Variants in EXPH5 observed in about 807,000 individuals in gnomAD.
EXPH5 encodes the protein exophilin 5.
Under a neutral mutation model 41.1 loss-of-function variants are expected in EXPH5, and 42 were observed. The ratio of observed to expected loss-of-function variants is 1.02; its 90% CI spans 0.80 to 1.32. The LOEUF is 1.32. Ranked by LOEUF, EXPH5 falls within the 40% of genes most tolerant of loss-of-function variation. EXPH5 has a pLI of 0.00. For synonymous variants in EXPH5, 798 were observed against 833.5 expected, an observed-to-expected ratio of 0.96 and a Z score of 0.73; for missense variants, 2,298 against 2,314.5, an observed-to-expected ratio of 0.99 and a Z score of 0.15.
At chr11:108,553,427 G>A (rs2093976783) in intron 1 of EXPH5, among the ~76,000 whole-genome samples, 1 of 152,150 alleles carries the variant, frequency 6.6e-6, no homozygotes, top group Non-Finnish European at 1.5e-5. Context: ...CCACCCTGAG[G>A]TCAGACTTAG....
upstream of EXPH5, among the ~76,000 whole-genome samples, chr11:108,594,358 C>A (rs2094135522): frequency 6.6e-6 from 1 of 152,048 alleles, no homozygotes; most frequent in Non-Finnish European, 1.5e-5. Flanking sequence ...AGAAGACAGC[C>A]CAGAAGCAAA....
intron 1 of EXPH5, among the ~76,000 whole-genome samples, chr11:108,547,393 AC>A (rs2093943473): frequency 6.6e-6 from 1 of 151,914 alleles, no homozygotes; most frequent in African/African-American, 2.4e-5. Flanking sequence ...GGAGATCTCT[AC>A]AAAAGTAGAG....
Position 108,514,576 on chromosome 11 carries a change from C to T in EXPH5, c.931G>A (p.Val311Met), listed in dbSNP as rs770881264. The T allele has an allele frequency of 6.2e-7, 1 of 1,613,900 alleles. No homozygotes were observed. Among genetic ancestry groups the T allele is most frequent in the East Asian group, 2.2e-5 (1 of 44,896 alleles). Reference sequence around the variant, plus strand: ...GTACTGCCAAAAGTATTCTTTTGCACATAATCTTCTTTAAAGACTCTGGGC... The same window carrying T: ...GTACTGCCAAAAGTATTCTTTTGCATATAATCTTCTTTAAAGACTCTGGGC... The part of the protein sequence containing the change: ...REPRVFKEDY[V>M]QKNTFGSTSL... Residue 311 changes from valine (V) to methionine (M), a missense_variant, in exon 6 of 6, where the codon GTG becomes ATG. Transcript: ENST00000265843.
intron 3 of EXPH5, among the ~76,000 whole-genome samples, chr11:108,532,362 ATATATTTTTTTTTTTTTT>A (rs1295360304): frequency 9.9e-5 from 2 of 20,144 alleles, no homozygotes; most frequent in African/African-American, 7.6e-4. Context: ...ATATATATAT[ATATATTTTTTTTTTTTTT>A]TTTTTTTTTT....
intron 1 of EXPH5, among the ~76,000 whole-genome samples, chr11:108,589,357 A>G (rs371907620): frequency 2.6e-5 from 4 of 152,292 alleles, no homozygotes; most frequent in Non-Finnish European, 1.5e-5. Context: ...AGGCTTGTGT[A>G]TCTGGCTTTT....
At chr11:108,555,680 G>C (rs185601714) in intron 1 of EXPH5, among the ~76,000 whole-genome samples, 1 of 152,114 alleles carries the variant, frequency 6.6e-6, no homozygotes. Context: ...TCATGGGGGC[G>C]GTTTCCCTAT....
intron 1 of EXPH5, among the ~76,000 whole-genome samples, chr11:108,571,663 G>T (rs949518830): frequency 3.9e-5 from 6 of 152,162 alleles, no homozygotes; most frequent in Non-Finnish European, 8.8e-5. Context: ...CAGCAACTGA[G>T]ACCTCCCCTC....
At chr11:108,602,469 T>C in the EXPH5 span, among the ~76,000 whole-genome samples, 1 of 152,140 alleles carries the variant, frequency 6.6e-6, no homozygotes, top group South Asian at 2.1e-4. Context: ...CCACCGATTT[T>C]CCAGAAAGGC....
chr11:108,566,565 A>G (rs1020118243), intron 1 of EXPH5, among the ~76,000 whole-genome samples: 10 of 152,274 alleles, frequency 6.6e-5, no homozygotes, highest in Middle Eastern at 3.4e-3. Context: ...ATAAATAAGA[A>G]TTCCAGGCCG....
At chr11:108,582,886 A>G (rs993482057) in intron 1 of EXPH5, among the ~76,000 whole-genome samples, 2 of 152,314 alleles carry the variant, frequency 1.3e-5, no homozygotes, top group South Asian at 2.1e-4. Flanking sequence ...TCCACTTTGT[A>G]TAAGGACATC....
rs753739754 is a variant in EXPH5, at chr11:108,512,090, T to C, written c.3417A>G (p.Arg1139=). The part of the protein sequence containing the change: ...EPHASTGREG[R]KKPLTSGMDA... Reference sequence around the variant, plus strand: ...CCATGCCTGAGGTCAATGGCTTTTTTCTTCCTTCTCTTCCAGTTGAGGCAT... The same window carrying C: ...CCATGCCTGAGGTCAATGGCTTTTTCCTTCCTTCTCTTCCAGTTGAGGCAT... Residue 1139 remains arginine (R), a synonymous_variant, in exon 6 of 6, where the codon AGA becomes AGG. Coordinates refer to ENST00000265843, the MANE Select transcript of EXPH5 (RefSeq NM_015065.3). 6.2e-7 allele frequency: 1 copy of C among 1,613,252 alleles called. No individual in the cohort carries two copies. The highest frequency in any genetic ancestry group is 1.1e-5 in the South Asian group (1 of 90,874).
chr11:108,575,288 T>C (rs2094076036), intron 1 of EXPH5, among the ~76,000 whole-genome samples: 1 of 152,220 alleles, frequency 6.6e-6, no homozygotes, highest in Non-Finnish European at 1.5e-5. Context: ...AACAAAGGCC[T>C]TCCCGCACTG....
At chr11:108,550,434 C>G (rs976065079) in intron 1 of EXPH5, among the ~76,000 whole-genome samples, 10 of 152,160 alleles carry the variant, frequency 6.6e-5, no homozygotes, top group Admixed American at 2.6e-4. Flanking sequence ...GACCAAATGG[C>G]TAGCCCACGG....
chr11:108,586,058 C>T (rs1001908129), intron 1 of EXPH5, among the ~76,000 whole-genome samples: 4 of 152,232 alleles, frequency 2.6e-5, no homozygotes, highest in Non-Finnish European at 4.4e-5. Flanking sequence ...CCTGCTTCAG[C>T]TTCCTGAGTA....
At chr11:108,546,077 G>A (rs1240614250) in intron 1 of EXPH5, among the ~76,000 whole-genome samples, 3 of 152,114 alleles carry the variant, frequency 2.0e-5, no homozygotes, top group South Asian at 4.2e-4. Context: ...CCAGGCAGAG[G>A]GGTAGCCTCT....
rs1374150461 is a variant in EXPH5 at position 108,511,795 on chromosome 11, A to C, written c.3712T>G (p.Ser1238Ala). The change falls in exon 6 of 6, where the codon TCT becomes GCT. Residue 1238 changes from serine to alanine, a missense_variant. By Grantham distance (99) the Ser-to-Ala change is moderately conservative. Transcript: ENST00000265843. Reference protein sequence around the residue: ...KVKTTSTFSVSGDEDNVKCLE... With the variant: ...KVKTTSTFSVAGDEDNVKCLE... Reference sequence around the variant, plus strand: ...CATTTTACATTATCTTCATCACCAGAAACAGAAAACGTACTAGTCGTCTTA... The same window carrying C: ...CATTTTACATTATCTTCATCACCAGCAACAGAAAACGTACTAGTCGTCTTA... 6.2e-7 allele frequency: 1 copy of C among 1,609,630 alleles called. No homozygotes were observed. The highest frequency in any genetic ancestry group is 8.5e-7 in the Non-Finnish European group (1 of 1,179,010).
At chr11:108,551,569 C>T (rs1184934684) in intron 1 of EXPH5, among the ~76,000 whole-genome samples, 4 of 152,118 alleles carry the variant, frequency 2.6e-5, no homozygotes, top group Non-Finnish European at 5.9e-5. Context: ...TCTGTATACA[C>T]ATTGTTTTTT....
At position 108,511,062 on chromosome 11, in the gene EXPH5, C is replaced by A; in HGVS notation, c.4445G>T (p.Arg1482Met). The A allele has an allele frequency of 6.2e-7, 1 of 1,614,108 alleles. No individual in the cohort carries two copies. Among genetic ancestry groups the A allele is most frequent in the Non-Finnish European group, 8.5e-7 (1 of 1,179,996 alleles). The change falls in exon 6 of 6, where the codon AGG (arginine) becomes ATG (methionine). Residue 1482 changes from arginine (R) to methionine (M), a missense_variant. Coordinates refer to ENST00000265843, the MANE Select transcript of EXPH5 (RefSeq NM_015065.3). The part of the protein sequence containing the change: ...VGDGSSGSQP[R>M]EGRGDIGTNC... Reference sequence around the variant, plus strand: ...GGTTCCAATGTCCCCTCTGCCTTCCCTAGGCTGTGATCCACTGGAGCCATC... The same window carrying A: ...GGTTCCAATGTCCCCTCTGCCTTCCATAGGCTGTGATCCACTGGAGCCATC...
upstream of EXPH5, among the ~76,000 whole-genome samples, chr11:108,594,053 C>T (rs1350372888): frequency 6.6e-6 from 1 of 152,206 alleles, no homozygotes; most frequent in African/African-American, 2.4e-5. Flanking sequence ...AAAGGAGATT[C>T]ATGACTAATC....
Sources: allele counts gnomAD v4.1 joint callset (sites outside exome capture counted in the v4.1 genomes callset), GRCh38; gene constraint gnomAD v4.1.1; transcripts MANE v1.5; gene names NCBI Gene and HGNC (gene_info 2026-07-23, HGNC 2026-07-21).